Variants in PCDH11X observed in about 807,000 individuals in gnomAD.
PCDH11X encodes protocadherin-11 X-linked.
A neutral mutation model predicts 53.3 loss-of-function variants in PCDH11X; 18 were observed. That is an observed-to-expected ratio of 0.34 (90% CI 0.23 to 0.50). The LOEUF is 0.50. PCDH11X is among the 20% of genes least tolerant of loss of function. The pLI is 0.98. For synonymous variants in PCDH11X, 279 were observed against 393.3 expected (o/e 0.71, Z 3.44); for missense variants, 570 against 1,032.4 (o/e 0.55, Z 6.14).
At chrX:92,410,968 T>C (rs778371345) in intron 9 of PCDH11X, among the ~76,000 whole-genome samples, 1 of 110,158 alleles carries the variant, frequency 9.1e-6, no homozygotes, top group Non-Finnish European at 1.9e-5. Context: ...TCATGTGGTA[T>C]CAGTCACTGA....
chrX:92,324,470 G>A (rs1211647514), intron 8 of PCDH11X, among the ~76,000 whole-genome samples: 1 of 111,677 alleles, frequency 9.0e-6, no homozygotes, highest in Non-Finnish European at 1.9e-5. Context: ...ACAGCAATCT[G>A]TAGAGTTATT....
chrX:92,280,460 T>G (rs978882443), intron 8 of PCDH11X, among the ~76,000 whole-genome samples: 4 of 109,031 alleles, frequency 3.7e-5, no homozygotes, highest in Admixed American at 3.0e-4. Context: ...TGGTGGAGGT[T>G]GCAGTGAGCC....
intron 6 of PCDH11X, among the ~76,000 whole-genome samples, chrX:92,002,344 G>C (rs2062524745): frequency 9.3e-6 from 1 of 108,025 alleles, no homozygotes; most frequent in South Asian, 4.1e-4. Context: ...GATTCCTCAA[G>C]TTTTGTTCTT....
intron 6 of PCDH11X, among the ~76,000 whole-genome samples, chrX:92,070,760 CCT>C (rs1422681603): frequency 1.8e-5 from 2 of 110,507 alleles, no homozygotes; most frequent in African/African-American, 6.6e-5. Flanking sequence ...ACTTTCTACC[CCT>C]GTTTCTTTCT....
chrX:92,113,531 G>A (rs1276137495), intron 6 of PCDH11X: 6 of 1,196,708 alleles, frequency 5.0e-6, no homozygotes, highest in African/African-American at 3.8e-5. Context: ...ATCACGTCTC[G>A]CTCCTTTTGG....
At chrX:92,015,592 CTTT>C (rs751098627) in intron 6 of PCDH11X, among the ~76,000 whole-genome samples, 2 of 112,243 alleles carry the variant, frequency 1.8e-5, no homozygotes, top group Non-Finnish European at 3.8e-5. Context: ...CAAGAAACCA[CTTT>C]TTTATCATTC....
chrX:92,396,096 T>C lies in PCDH11X; in HGVS notation c.3343+8163T>C, dbSNP rs1213562665. On this transcript the variant is annotated intron_variant, in intron 9 of 10. Coordinates refer to ENST00000682573, the MANE Select transcript of PCDH11X (RefSeq NM_032968.5). ...ACATGCTGAATGATAATGATCTCTATGTCAGGAAAACTAGCCACTTTTCAC... is the reference window on the plus strand; with the variant it reads ...ACATGCTGAATGATAATGATCTCTACGTCAGGAAAACTAGCCACTTTTCAC... Among the ~76,000 whole-genome samples the C allele has an allele frequency of 4.8e-5, 5 of 104,817 alleles. 1 individual carries two copies. In the South Asian group the frequency reaches 1.8e-3, roughly 38 times the overall value. 91.0% of individuals were successfully genotyped at this position (104,817 alleles called of 115,157 possible). A position where few individuals can be genotyped will look rare whatever the true frequency, so the allele number is the denominator to read the frequency against.
In PCDH11X at chrX:91,892,894, C is replaced by A. The variant is rs776606367; in HGVS notation, c.3033+13621C>A. ...CTCTAACTCCTGACCTCAAGTGATC[C>A]GCCCGCCTCATTCTCCCAAAATGCT... On this transcript the variant is annotated intron_variant, in intron 6 of 10. Transcript: ENST00000682573. Among the ~76,000 whole-genome samples, 145 of 109,904 alleles carry A rather than the reference C, an allele frequency of 1.3e-3. 1 individual carries two copies. Among genetic ancestry groups the A allele is most frequent in the Middle Eastern group, 4.7e-3 (1 of 211 alleles).
intron 10 of PCDH11X, among the ~76,000 whole-genome samples, chrX:92,514,106 C>T (rs763595193): frequency 7.2e-5 from 8 of 111,750 alleles, no homozygotes; most frequent in South Asian, 7.4e-4. Flanking sequence ...TTTGTTTATC[C>T]GCTCATCAGT....
intron 8 of PCDH11X, among the ~76,000 whole-genome samples, chrX:92,306,837 C>G (rs1298314479): frequency 9.0e-6 from 1 of 111,136 alleles, no homozygotes; most frequent in South Asian, 3.8e-4. Flanking sequence ...GTAATCCCAG[C>G]TACTCTGGAG....
intron 6 of PCDH11X, among the ~76,000 whole-genome samples, chrX:91,954,977 T>A (rs1304687345): frequency 1.8e-5 from 2 of 109,119 alleles, no homozygotes; most frequent in Non-Finnish European, 3.8e-5. Context: ...ATTTGTCAAT[T>A]TTTGCTATTG....
chrX:92,355,050 T>C (rs773954694), intron 8 of PCDH11X, among the ~76,000 whole-genome samples: 1 of 109,024 alleles, frequency 9.2e-6, no homozygotes, highest in Non-Finnish European at 1.9e-5. Flanking sequence ...TTTATTGATT[T>C]CAGTTTCTAA....
intron 6 of PCDH11X, among the ~76,000 whole-genome samples, chrX:91,917,113 C>A (rs1277320873): frequency 9.0e-6 from 1 of 110,983 alleles, no homozygotes; most frequent in East Asian, 2.9e-4. Flanking sequence ...ATCCAGCATC[C>A]GCTTATGATT....
At chrX:91,973,613 CTT>C (rs750179369) in intron 6 of PCDH11X, among the ~76,000 whole-genome samples, 10 of 88,267 alleles carry the variant, frequency 1.1e-4, no homozygotes, top group East Asian at 3.5e-4. Context: ...GTATATACAA[CTT>C]TTTTTTTTTT....
At chrX:92,148,134 TTCC>T (rs1221474140) in intron 6 of PCDH11X, among the ~76,000 whole-genome samples, 2 of 5,476 alleles carry the variant, frequency 3.7e-4, no homozygotes, top group African/African-American at 9.6e-4. Context: ...TTCTTTCTTT[TTCC>T]TTCCTTCCTT....
At chrX:92,448,903 T>C (rs1056295269) in intron 9 of PCDH11X, among the ~76,000 whole-genome samples, 18 of 112,082 alleles carry the variant, frequency 1.6e-4, no homozygotes, top group Admixed American at 1.3e-3. Flanking sequence ...CAGATTTTCA[T>C]ATTTTTTCAT....
rs1442755064 is a variant in PCDH11X, at chrX:92,474,686, A to G, written c.3367+6364A>G. Among the ~76,000 whole-genome samples, 268 of 96,328 alleles carry G rather than the reference A, an allele frequency of 2.8e-3. 2 individuals carry two copies. Among genetic ancestry groups the G allele is most frequent in the Middle Eastern group, 0.01 (2 of 191 alleles). 83.6% of individuals were successfully genotyped at this position (96,328 alleles called of 115,157 possible). A position where few individuals can be genotyped will look rare whatever the true frequency, so the allele number is the denominator to read the frequency against. ...TATAACCCATTATTTTAAGCTAATA[A>G]TAATTTAACACTGTATAAACAAACA... On this transcript the variant is annotated intron_variant, in intron 10 of 10. Transcript: ENST00000682573.
chrX:92,472,467 C>T (rs1366131682), intron 10 of PCDH11X, among the ~76,000 whole-genome samples: 7 of 99,548 alleles, frequency 7.0e-5, no homozygotes, highest in Admixed American at 3.4e-4. Context: ...TTCCATTTGC[C>T]TATGTGTCTG....
intron 8 of PCDH11X, among the ~76,000 whole-genome samples, chrX:92,346,883 C>T (rs1242455814): frequency 9.0e-6 from 1 of 111,040 alleles, no homozygotes; most frequent in African/African-American, 3.3e-5. Context: ...GCATATTTTT[C>T]CCTAGAAAAT....
Sources: gnomAD v4.1 joint callset for allele counts (sites outside exome capture counted in the v4.1 genomes callset) on GRCh38, gnomAD v4.1.1 for gene constraint, MANE v1.5 for transcripts, NCBI Gene and HGNC (gene_info 2026-07-23, HGNC 2026-07-21) for gene names.